Variants in GNPTAB observed in about 807,000 individuals in gnomAD.
GNPTAB encodes N-acetylglucosamine-1-phosphotransferase subunits alpha/beta.
GNPTAB carries 92 observed loss-of-function variants against 136.6 expected under a neutral mutation model. That is an observed-to-expected ratio of 0.67 (90% CI 0.57 to 0.80). The LOEUF (loss-of-function observed/expected upper bound fraction) is 0.80. GNPTAB is among the 30% of genes least tolerant of loss of function. The pLI is 0.00. For missense variants in GNPTAB, 1,343 were observed against 1,501.8 expected, an observed-to-expected ratio of 0.89 and a Z score of 1.75; for synonymous variants, 512 against 535.1, an observed-to-expected ratio of 0.96 and a Z score of 0.60.
At chr12:101,809,132 T>A (rs1236206322) in intron 1 of GNPTAB, among the ~76,000 whole-genome samples, 3 of 152,126 alleles carry the variant, frequency 2.0e-5, no homozygotes, top group African/African-American at 4.8e-5. Flanking sequence ...TAAAAAAATC[T>A]GAAGATACCC....
At chr12:101,781,709 T>C (rs1261796548) in intron 5 of GNPTAB, among the ~76,000 whole-genome samples, 1 of 152,014 alleles carries the variant, frequency 6.6e-6, no homozygotes, top group Non-Finnish European at 1.5e-5. Context: ...ACAATATAGT[T>C]GGTGAGCACT....
Position 101,764,394 on chromosome 12 carries a change from T to A in GNPTAB, c.2523A>T (p.Pro841=). The A allele has an allele frequency of 6.2e-7, 1 of 1,613,858 alleles. No individual in the cohort carries two copies. The change falls in exon 13 of 21, where the codon CCA becomes CCT. Residue 841 remains proline, a synonymous_variant. Coordinates refer to ENST00000299314, the MANE Select transcript of GNPTAB (RefSeq NM_024312.5). ...TTTCTTTTGTCATCTGGCTTTCCAG[T>A]GGAACAATCAGAGATGGGGGCTTTT... ...TKEKPPSLIV[P]LESQMTKEKK... is the part of the protein sequence containing the mutation.
chr12:101,749,721 C>T (rs937393802), intron 19 of GNPTAB, among the ~76,000 whole-genome samples: 1 of 152,178 alleles, frequency 6.6e-6, no homozygotes, highest in Non-Finnish European at 1.5e-5. Flanking sequence ...TCCTGTAAGC[C>T]TTGAAGGGGA....
At chr12:101,797,847 C>T (rs1369947602) in intron 1 of GNPTAB, among the ~76,000 whole-genome samples, 3 of 152,176 alleles carry the variant, frequency 2.0e-5, no homozygotes, top group Admixed American at 6.5e-5. Context: ...AAGTGTCCCC[C>T]CACCTTGCAG....
intron 1 of GNPTAB, among the ~76,000 whole-genome samples, chr12:101,827,822 C>G (rs1354034822): frequency 6.6e-6 from 1 of 152,038 alleles, no homozygotes; most frequent in Non-Finnish European, 1.5e-5. Flanking sequence ...AAAACTTAGT[C>G]TAGCGTGATG....
intron 1 of GNPTAB, among the ~76,000 whole-genome samples, chr12:101,826,510 T>G (rs1871090986): frequency 6.6e-6 from 1 of 151,774 alleles, no homozygotes. Flanking sequence ...TTTTTAATTT[T>G]TTTTTTTTTT....
At chr12:101,775,058 T>G (rs1379282417) in intron 7 of GNPTAB, among the ~76,000 whole-genome samples, 1 of 152,144 alleles carries the variant, frequency 6.6e-6, no homozygotes, top group Non-Finnish European at 1.5e-5. Context: ...CTACAATACA[T>G]AGGACAGTCC....
intron 7 of GNPTAB, among the ~76,000 whole-genome samples, chr12:101,775,287 C>T (rs180884381): frequency 3.8e-4 from 58 of 152,276 alleles, no homozygotes; most frequent in African/African-American, 1.2e-3. Flanking sequence ...AAAAACCCCA[C>T]GTCTGCTAAG....
intron 7 of GNPTAB, chr12:101,773,385 C>T (rs1057213620): frequency 2.1e-5 from 6 of 289,478 alleles, no homozygotes; most frequent in South Asian, 7.5e-5. Flanking sequence ...TACATTTTCA[C>T]GAAGTCCCGA....
intron 1 of GNPTAB, among the ~76,000 whole-genome samples, chr12:101,801,840 C>T (rs995197284): frequency 1.3e-5 from 2 of 151,870 alleles, no homozygotes; most frequent in African/African-American, 2.4e-5. Flanking sequence ...GTCGGGCATT[C>T]GAGACCAGCT....
Position 101,762,804 on chromosome 12 carries a change from C to T in GNPTAB, c.2716-1041G>A, listed in dbSNP as rs141821394. ...TCAAACTATTAACAGCAATTATCTCCGGGAAGGAGACTGAAGAAGGAAGAA... is the reference window on the plus strand; with the variant it reads ...TCAAACTATTAACAGCAATTATCTCTGGGAAGGAGACTGAAGAAGGAAGAA... On this transcript the variant is annotated intron_variant, in intron 13 of 20. Transcript: ENST00000299314. Among the ~76,000 whole-genome samples, 315 of 151,124 alleles carry T rather than the reference C, an allele frequency of 2.1e-3. 1 individual carries two copies. Among genetic ancestry groups the T allele is most frequent in the African/African-American group, 7.1e-3 (291 of 41,106 alleles).
intron 1 of GNPTAB, among the ~76,000 whole-genome samples, chr12:101,799,180 A>C (rs1046676940): frequency 3.3e-5 from 5 of 152,244 alleles, no homozygotes; most frequent in African/African-American, 1.2e-4. Context: ...TATAAGAAAC[A>C]CATACCTACA....
At chr12:101,804,344 A>AG (rs1869818996) in intron 1 of GNPTAB, among the ~76,000 whole-genome samples, 1 of 146,604 alleles carries the variant, frequency 6.8e-6, no homozygotes, top group Non-Finnish European at 1.5e-5. Context: ...AGAGAAAGAG[A>AG]AAAAAAAAAA....
chr12:101,770,784 T>C (rs1594219479), intron 8 of GNPTAB, among the ~76,000 whole-genome samples, 199 bp from the exon 9 acceptor site: 1 of 152,308 alleles, frequency 6.6e-6, no homozygotes, highest in Admixed American at 6.5e-5. Flanking sequence ...AGAGACAGCA[T>C]TTCTATAACA....
intron 5 of GNPTAB, 150 bp downstream of exon 5, chr12:101,785,862 A>G: frequency 1.5e-6 from 1 of 660,090 alleles, no homozygotes; most frequent in South Asian, 1.9e-5. Context: ...TAAGGCCAAA[A>G]TACAATAGCA....
At position 101,765,191 on chromosome 12, in the gene GNPTAB, C is replaced by A; in HGVS notation, c.1726G>T (p.Val576Phe). The A allele has an allele frequency of 4.3e-6, 7 of 1,614,140 alleles. No homozygotes were observed. The highest frequency in any genetic ancestry group is 5.1e-6 in the Non-Finnish European group (6 of 1,180,016). The change falls in exon 13 of 21, where the codon GTT becomes TTT. Residue 576 changes from valine to phenylalanine, a missense_variant. Transcript: ENST00000299314. Reference sequence around the variant, plus strand: ...GGATTGTCACTATAGGCACCTTCAACTCCTCTTTTGGCTACTTCTGCAAAG... The same window carrying A: ...GGATTGTCACTATAGGCACCTTCAAATCCTCTTTTGGCTACTTCTGCAAAG... ...FSFAEVAKRG[V>F]EGAYSDNPII...
intron 2 of GNPTAB, among the ~76,000 whole-genome samples, chr12:101,793,363 A>C (rs1869099864): frequency 6.6e-6 from 1 of 152,266 alleles, no homozygotes; most frequent in Non-Finnish European, 1.5e-5. Context: ...AAAGGAGAGG[A>C]GAATTACATC....
intron 19 of GNPTAB, among the ~76,000 whole-genome samples, chr12:101,752,019 TAAA>T (rs5800485): frequency 4.0e-4 from 58 of 145,834 alleles, no homozygotes; most frequent in Admixed American, 4.8e-4. Flanking sequence ...ACAGTTAAGT[TAAA>T]AAAAAAAAAA....
At chr12:101,798,298 G>A (rs899210529) in intron 1 of GNPTAB, among the ~76,000 whole-genome samples, 5 of 152,064 alleles carry the variant, frequency 3.3e-5, no homozygotes, top group African/African-American at 1.2e-4. Flanking sequence ...ATCTTTCTGT[G>A]TGTCCTTTCC....
Sources: gnomAD v4.1 joint callset for allele counts (sites outside exome capture counted in the v4.1 genomes callset) on GRCh38, gnomAD v4.1.1 for gene constraint, MANE v1.5 for transcripts, NCBI Gene and HGNC (gene_info 2026-07-23, HGNC 2026-07-21) for gene names.